The following ADAMTS6 variants were observed in gnomAD, a reference collection of about 807,000 sequenced individuals.
ADAMTS6 encodes ADAM metallopeptidase with thrombospondin type 1 motif 6, also known as A disintegrin and metalloproteinase with thrombospondin motifs 6.
ADAMTS6 carries 23 observed loss-of-function variants against 144.3 expected under a neutral mutation model. The observed-to-expected ratio is 0.16, with a 90% CI of 0.11 to 0.23. The LOEUF is 0.23. Ranked by LOEUF, ADAMTS6 falls within the 10% of genes least tolerant of loss-of-function variation. The pLI is 1.00. For synonymous variants in ADAMTS6, 444 were observed against 457.5 expected, an observed-to-expected ratio of 0.97 and a Z score of 0.38; for missense variants, 999 against 1,379.6, an observed-to-expected ratio of 0.72 and a Z score of 4.37.
Position 65,242,170 on chromosome 5 carries a change from G to A in ADAMTS6, c.1867C>T (p.Gln623Ter). 1 of 1,601,032 alleles carries A rather than the reference G, an allele frequency of 6.2e-7. No individual in the cohort carries two copies. Among genetic ancestry groups the A allele is most frequent in the Non-Finnish European group, 8.5e-7 (1 of 1,171,864 alleles). The stretch of plus-strand genomic sequence containing the variant: ...GGCATATTGTCAAAGTCTGCACACT[G>A]TTTCTCTCGAAAATCTCGGGAACCC... ...PLGSRDFREK[Q>*]CADFDNMPFR... Residue 623 changes from glutamine to a stop codon, truncating the protein, a stop_gained, in exon 15 of 25, where the codon CAG (glutamine) becomes TAG (stop). Transcript: ENST00000381055. LOFTEE classifies it high-confidence loss of function.
At chr5:65,164,089 C>T (rs1024929529) in intron 24 of ADAMTS6, among the ~76,000 whole-genome samples, 7 of 152,074 alleles carry the variant, frequency 4.6e-5, no homozygotes, top group Admixed American at 1.3e-4. Flanking sequence ...ACGCAGAAGA[C>T]GGGTGATTTC....
intron 7 of ADAMTS6, among the ~76,000 whole-genome samples, chr5:65,340,446 T>C (rs1747713027): frequency 6.6e-6 from 1 of 151,938 alleles, no homozygotes; most frequent in Non-Finnish European, 1.5e-5. Context: ...TAAAACTCAC[T>C]GGTCAAGCAA....
intron 21 of ADAMTS6, among the ~76,000 whole-genome samples, chr5:65,194,135 T>C (rs1021448662): frequency 6.6e-6 from 1 of 152,226 alleles, no homozygotes; most frequent in African/African-American, 2.4e-5. Context: ...CAGTAGCCTT[T>C]CTATGATTTC....
intron 9 of ADAMTS6, among the ~76,000 whole-genome samples, chr5:65,321,141 G>A (rs1745571284): frequency 6.6e-6 from 1 of 152,164 alleles, no homozygotes; most frequent in African/African-American, 2.4e-5. Context: ...CTTATACAAT[G>A]GCTGAACTAA....
intron 20 of ADAMTS6, among the ~76,000 whole-genome samples, chr5:65,208,897 C>A (rs1468082179): frequency 1.3e-5 from 2 of 152,124 alleles, no homozygotes; most frequent in Non-Finnish European, 2.9e-5. Context: ...AGTTCCTGAG[C>A]CAGTGGCACC....
Position 65,460,309 on chromosome 5 carries a change from C to T in ADAMTS6, c.492G>A (p.Glu164=), listed in dbSNP as rs751941279. The change falls in exon 4 of 25, where the codon GAG becomes GAA. Residue 164 remains glutamate, a synonymous_variant. Transcript: ENST00000381055. ...LHGVIATEDE[E]YFIEPLKNTT... ...TATTCTTTAAAGGTTCGATAAAATA[C>T]TCTTCATCTTCTGTAGCAATAACAC... 5.1e-5 allele frequency: 82 copies of T among 1,613,240 alleles called. No individual in the cohort carries two copies. Among genetic ancestry groups the T allele is most frequent in the Non-Finnish European group, 6.3e-5 (74 of 1,179,580 alleles).
At chr5:65,163,276 G>T (rs547697274) in intron 24 of ADAMTS6, among the ~76,000 whole-genome samples, 47 of 152,020 alleles carry the variant, frequency 3.1e-4, no homozygotes, top group Middle Eastern at 6.8e-3. Flanking sequence ...ACTTTTGTTT[G>T]TTATGGATTT....
At chr5:65,207,268 GA>G (rs1756168820) in intron 20 of ADAMTS6, among the ~76,000 whole-genome samples, 1 of 151,998 alleles carries the variant, frequency 6.6e-6, no homozygotes, top group Non-Finnish European at 1.5e-5. Flanking sequence ...GAAGAAGAAA[GA>G]AAAATCTAGG....
chr5:65,198,139 G>A (rs746760524), intron 20 of ADAMTS6, among the ~76,000 whole-genome samples: 25 of 152,050 alleles, frequency 1.6e-4, no homozygotes, highest in Non-Finnish European at 3.1e-4. Flanking sequence ...ATCATATAGC[G>A]GTAACAGGTT....
intron 7 of ADAMTS6, among the ~76,000 whole-genome samples, chr5:65,395,046 A>C (rs1204716672): frequency 2.6e-5 from 4 of 151,930 alleles, no homozygotes; most frequent in African/African-American, 9.7e-5. Context: ...TAATTCAAGC[A>C]AGTAGAAGAC....
chr5:65,476,024 T>C (rs544560215), intron 1 of ADAMTS6, among the ~76,000 whole-genome samples: 2 of 144,182 alleles, frequency 1.4e-5, no homozygotes, highest in East Asian at 4.1e-4. Flanking sequence ...GATGTCACTT[T>C]CGTTATTACA....
At chr5:65,160,602 C>T (rs1475444279) in intron 24 of ADAMTS6, among the ~76,000 whole-genome samples, 17 of 151,714 alleles carry the variant, frequency 1.1e-4, no homozygotes, top group African/African-American at 3.6e-4. Flanking sequence ...CCGCGCCCGG[C>T]CTCCAACTTT....
intron 9 of ADAMTS6, among the ~76,000 whole-genome samples, chr5:65,307,516 A>G (rs914216512): frequency 2.0e-5 from 3 of 152,300 alleles, no homozygotes; most frequent in Admixed American, 1.3e-4. Context: ...ATCTGCCATG[A>G]ATTCCATTTT....
chr5:65,398,769 A>G (rs1353235397), intron 7 of ADAMTS6, among the ~76,000 whole-genome samples: 1 of 146,638 alleles, frequency 6.8e-6, no homozygotes, highest in Non-Finnish European at 1.5e-5. Flanking sequence ...GAGAGAGAGA[A>G]AGAAGAGAGA....
chr5:65,481,035 A>G (rs1415422689), intron 1 of ADAMTS6, among the ~76,000 whole-genome samples: 1 of 152,208 alleles, frequency 6.6e-6, no homozygotes, highest in African/African-American at 2.4e-5. Context: ...CAGTTAAAAG[A>G]TTACAATAAT....
chr5:65,171,728 T>G (rs1275518284), intron 23 of ADAMTS6, among the ~76,000 whole-genome samples: 1 of 151,930 alleles, frequency 6.6e-6, no homozygotes, highest in African/African-American at 2.4e-5. Context: ...AGAGCTTAAA[T>G]AAGTCCCTCA....
At chr5:65,213,511 G>A (rs960613963) in intron 20 of ADAMTS6, among the ~76,000 whole-genome samples, 11 of 151,774 alleles carry the variant, frequency 7.2e-5, no homozygotes, top group Non-Finnish European at 1.5e-4. Context: ...GTGTGGTGGC[G>A]TGCTCCCTAG....
At chr5:65,413,335 C>A (rs1472252999) in intron 7 of ADAMTS6, among the ~76,000 whole-genome samples, 4 of 152,134 alleles carry the variant, frequency 2.6e-5, no homozygotes, top group African/African-American at 9.7e-5. Flanking sequence ...CATAAGCTGT[C>A]AATCACAGTT....
At chr5:65,350,792 T>G (rs1456525412) in intron 7 of ADAMTS6, among the ~76,000 whole-genome samples, 1 of 152,072 alleles carries the variant, frequency 6.6e-6, no homozygotes, top group African/African-American at 2.4e-5. Context: ...TAGATGGGAT[T>G]ACAGGCTTGC....
Sources: allele counts gnomAD v4.1 joint callset (sites outside exome capture counted in the v4.1 genomes callset), GRCh38; gene constraint gnomAD v4.1.1; transcripts MANE v1.5; gene names NCBI Gene and HGNC (gene_info 2026-07-23, HGNC 2026-07-21).